The following MCM9 variants were observed in gnomAD, a reference collection of about 807,000 sequenced individuals.
MCM9 encodes DNA helicase MCM9.
MCM9 carries 55 observed loss-of-function variants against 72.8 expected under a neutral mutation model. The ratio of observed to expected loss-of-function variants is 0.76; its 90% CI spans 0.61 to 0.95. The LOEUF is 0.95. MCM9 is among the 40% of genes least tolerant of loss of function. MCM9 has a pLI of 0.00. For missense variants in MCM9, 1,279 were observed against 1,377.0 expected (o/e 0.93, Z 1.13); for synonymous variants, 480 against 503.4 (o/e 0.95, Z 0.62).
At position 118,814,814 on chromosome 6, in the gene MCM9, C is replaced by A; in HGVS notation, c.*10G>T. On this transcript the variant is annotated 3_prime_UTR_variant, in exon 14 of 14. Coordinates refer to ENST00000619706, the MANE Select transcript of MCM9 (RefSeq NM_017696.3). ...AAGAAGGTGAGATTTGACCAGAAAG[C>A]TTTTCCCAACTATGACTTTTTTCTC... 6.7e-7 allele frequency: 1 copy of A among 1,482,942 alleles called. No individual in the cohort carries two copies. The highest frequency in any genetic ancestry group is 9.0e-7 in the Non-Finnish European group (1 of 1,115,370). The allele number at this position is 1,482,942 out of a possible 1,614,324, so 91.9% of individuals were successfully genotyped here.
intron 8 of MCM9, among the ~76,000 whole-genome samples, chr6:118,909,749 G>A (rs1436333838): frequency 2.0e-5 from 3 of 152,122 alleles, no homozygotes; most frequent in Non-Finnish European, 2.9e-5. Flanking sequence ...CTAATTTTAG[G>A]ATTTGGGGTT....
chr6:118,919,118 A>T (rs529533550), intron 5 of MCM9: 2 of 152,328 alleles, frequency 1.3e-5, no homozygotes, highest in South Asian at 4.1e-4. Flanking sequence ...ACATGGAACA[A>T]TTCTCTATTA....
In MCM9 at chr6:118,894,559, C is replaced by T. The variant is rs1779211726; in HGVS notation, c.1150+17091G>A. 5 of 1,487,542 alleles carry T rather than the reference C, an allele frequency of 3.4e-6. No homozygotes were observed. The East Asian group carries it at 9.9e-5, about 29-fold the overall frequency. 92.1% of individuals were successfully genotyped at this position (1,487,542 alleles called of 1,614,324 possible). ...GCCCGTGCGCCCGGGCTGTCAGTTG[C>T]GGGCTGCAGACGTTGAAAGTTTCCC... On this transcript the variant is annotated intron_variant, in intron 8 of 13. Transcript: ENST00000619706.
chr6:118,859,318 A>G (rs961272575), intron 8 of MCM9, among the ~76,000 whole-genome samples: 6 of 152,242 alleles, frequency 3.9e-5, no homozygotes, highest in African/African-American at 1.4e-4. Flanking sequence ...GAAAGAAAGG[A>G]AACACAGGAG....
chr6:118,852,800 A>T (rs1035032212), intron 9 of MCM9, among the ~76,000 whole-genome samples: 1 of 152,160 alleles, frequency 6.6e-6, no homozygotes, highest in African/African-American at 2.4e-5. Flanking sequence ...TTCTATAGTC[A>T]TTCTCTTCCT....
intron 3 of MCM9, among the ~76,000 whole-genome samples, chr6:118,924,458 T>C (rs1781709208): frequency 6.6e-6 from 1 of 152,194 alleles, no homozygotes; most frequent in Non-Finnish European, 1.5e-5. Context: ...ATCTAAAGTA[T>C]ATAATTTTAA....
At chr6:118,909,178 A>G (rs1780364886) in intron 8 of MCM9, 1 of 152,234 alleles carries the variant, frequency 6.6e-6, no homozygotes, top group Admixed American at 6.5e-5. Context: ...CAAAGAGCTC[A>G]GTGGTTAATA....
intron 5 of MCM9, chr6:118,918,056 GGAT>G (rs1781108643): frequency 2.6e-6 from 1 of 387,730 alleles, no homozygotes; most frequent in African/African-American, 2.0e-5. Context: ...ATAGTTTACT[GGAT>G]GATTCATTCA....
chr6:118,899,479 T>C (rs1224943339), intron 8 of MCM9, among the ~76,000 whole-genome samples: 1 of 152,164 alleles, frequency 6.6e-6, no homozygotes, highest in African/African-American at 2.4e-5. Context: ...GAGATACTTA[T>C]ATTGCCTACT....
chr6:118,915,443 A>C (rs1327831852), intron 6 of MCM9, among the ~76,000 whole-genome samples: 3 of 152,150 alleles, frequency 2.0e-5, no homozygotes, highest in Admixed American at 6.5e-5. Context: ...AGATGGCCCA[A>C]AACACTCCAA....
At chr6:118,818,190 T>C (rs1388527491) in intron 13 of MCM9, among the ~76,000 whole-genome samples, 1 of 152,234 alleles carries the variant, frequency 6.6e-6, no homozygotes, top group Non-Finnish European at 1.5e-5. Context: ...ATTTTAGTCA[T>C]GAAGTCTTTG....
chr6:118,869,412 T>C (rs995858531), intron 8 of MCM9, among the ~76,000 whole-genome samples: 3 of 150,924 alleles, frequency 2.0e-5, no homozygotes, highest in Non-Finnish European at 4.4e-5. Flanking sequence ...AGTATAATAA[T>C]AAAAAAAATT....
In MCM9 at chr6:118,829,131, C is replaced by A. The variant is rs1322955909; in HGVS notation, c.1445G>T (p.Arg482Leu). The change falls in exon 10 of 14, where the codon CGA (arginine) becomes CTA (leucine). Residue 482 changes from arginine to leucine, a missense_variant. Physicochemically the swap from Arg to Leu is moderately radical, Grantham distance 102 (BLOSUM62 -2). Transcript: ENST00000619706. Reference sequence around the variant, plus strand: ...AAGCAAAACCAGGATCAGGTCAAATCGACTTAAGAGTGGGCTGCCGAGGGC... The same window carrying A: ...AAGCAAAACCAGGATCAGGTCAAATAGACTTAAGAGTGGGCTGCCGAGGGC... ...NIALGSPLLS[R>L]FDLILVLLDT... is the part of the protein sequence containing the mutation. The A allele has an allele frequency of 6.4e-7, 1 of 1,550,598 alleles. No individual in the cohort carries two copies. Among genetic ancestry groups the A allele is most frequent in the Non-Finnish European group, 8.7e-7 (1 of 1,147,004 alleles).
At chr6:118,853,375 T>C (rs947118088) in intron 9 of MCM9, among the ~76,000 whole-genome samples, 3 of 152,196 alleles carry the variant, frequency 2.0e-5, no homozygotes, top group African/African-American at 7.2e-5. Flanking sequence ...CAAAGTCACT[T>C]TGGCTATTCT....
chr6:118,859,480 A>C (rs1776772608), intron 8 of MCM9, among the ~76,000 whole-genome samples: 1 of 152,238 alleles, frequency 6.6e-6, no homozygotes. Context: ...TTACTGCCCC[A>C]AAACTGAAGA....
chr6:118,933,617 G>T (rs1186412027), intron 1 of MCM9, among the ~76,000 whole-genome samples: 1 of 152,154 alleles, frequency 6.6e-6, no homozygotes, highest in Non-Finnish European at 1.5e-5. Context: ...TATTGTACTG[G>T]ACTCTACAAA....
chr6:118,890,002 C>T (rs924610248), intron 8 of MCM9, among the ~76,000 whole-genome samples: 2 of 152,194 alleles, frequency 1.3e-5, no homozygotes, highest in South Asian at 2.1e-4. Flanking sequence ...TATAAGGATG[C>T]ATTCCAGGAT....
At position 118,829,286 on chromosome 6, in the gene MCM9, G is replaced by A. The variant is rs1403376102; in HGVS notation, c.1326-36C>T. The stretch of plus-strand genomic sequence containing the variant: ...AGACAGTACAATTCACTGATTGTGA[G>A]GTTCAGATAAAATGCAAGATTACAG... On this transcript the variant is annotated intron_variant, in intron 9 of 13. Transcript: ENST00000619706. The A allele has an allele frequency of 2.0e-6, 3 of 1,505,254 alleles. No individual in the cohort carries two copies. The East Asian group carries it at 7.5e-5, about 37-fold the overall frequency. 93.2% of individuals were successfully genotyped at this position (1,505,254 alleles called of 1,614,324 possible).
Position 118,913,367 on chromosome 6 carries a change from C to T in MCM9, c.958G>A (p.Val320Ile), listed in dbSNP as rs1223071594. The change falls in exon 7 of 14, where the codon GTA (valine) becomes ATA (isoleucine). Residue 320 changes from valine (V) to isoleucine (I), a missense_variant. Val to Ile is a conservative substitution (Grantham distance 29). Transcript: ENST00000619706. ...LCPQVFGMYL[V>I]KLAVAMVLAG... is the part of the protein sequence containing the mutation. ...AGCACCATGGCCACAGCAAGCTTTA[C>T]TAGATACATTCCAAACACTTGAGGG... The T allele has an allele frequency of 6.2e-7, 1 of 1,614,160 alleles. No individual in the cohort carries two copies. The highest frequency in any genetic ancestry group is 8.5e-7 in the Non-Finnish European group (1 of 1,180,004).
Sources: allele counts gnomAD v4.1 joint callset (sites outside exome capture counted in the v4.1 genomes callset), GRCh38; gene constraint gnomAD v4.1.1; transcripts MANE v1.5; gene names NCBI Gene and HGNC (gene_info 2026-07-23, HGNC 2026-07-21).